The following RHOBTB1 variants were observed in gnomAD, a reference collection of about 807,000 sequenced individuals.
RHOBTB1 encodes Rho related BTB domain containing 1.
In RHOBTB1, 40 loss-of-function variants were observed where a neutral mutation model predicts 71.6. The ratio of observed to expected loss-of-function variants is 0.56; its 90% CI spans 0.43 to 0.73. RHOBTB1 has a LOEUF of 0.73. RHOBTB1 is among the 30% of genes least tolerant of loss of function. RHOBTB1 has a pLI of 0.00. For missense variants in RHOBTB1, 797 were observed against 894.0 expected, an observed-to-expected ratio of 0.89 and a Z score of 1.38; for synonymous variants, 319 against 334.9, an observed-to-expected ratio of 0.95 and a Z score of 0.52.
At position 60,888,403 on chromosome 10, in the gene RHOBTB1, T is replaced by A; in HGVS notation, c.1265A>T (p.Gln422Leu). Residue 422 changes from glutamine to leucine, a missense_variant, in exon 6 of 11, where the codon CAA becomes CTA. Around this residue, in one of 2 missense-constraint regions of RHOBTB1, gnomAD observed 658 missense variants for 681.5 expected, o/e 0.97. Transcript: ENST00000337910. The stretch of plus-strand genomic sequence containing the variant: ...CAAATCCTTTTCCTTTTCATCCAGT[T>A]GTCCCGTATAAAGAAACTGGAGCAG... ...RTLLQFLYTG[Q>L]LDEKEKDLVG... The A allele has an allele frequency of 2.5e-6, 4 of 1,614,174 alleles. No homozygotes were observed. Among genetic ancestry groups the A allele is most frequent in the Non-Finnish European group, 3.4e-6 (4 of 1,180,030 alleles).
At chr10:60,968,725 C>G (rs2086055247) in intron 2 of RHOBTB1, among the ~76,000 whole-genome samples, 1 of 152,128 alleles carries the variant, frequency 6.6e-6, no homozygotes, top group South Asian at 2.1e-4. Flanking sequence ...CACTAAGGAA[C>G]AGATCTTGTA....
chr10:60,964,106 T>C (rs985210464), intron 2 of RHOBTB1, among the ~76,000 whole-genome samples: 6 of 152,112 alleles, frequency 3.9e-5, no homozygotes, highest in Non-Finnish European at 8.8e-5. Context: ...ACATAAAATA[T>C]AATCTTAGCA....
chr10:60,992,318 G>A (rs148246796), intron 1 of RHOBTB1, among the ~76,000 whole-genome samples: 1 of 152,158 alleles, frequency 6.6e-6, no homozygotes, highest in African/African-American at 2.4e-5. Flanking sequence ...GATATAAGAT[G>A]TGTGCTAAGA....
chr10:60,872,004 A>G, intron 10 of RHOBTB1, 181 bp downstream of exon 10: 1 of 653,598 alleles, frequency 1.5e-6, no homozygotes. Context: ...AAGTTCTCCA[A>G]AGACAATTCC....
chr10:60,947,736 A>T (rs946703852), upstream of RHOBTB1, among the ~76,000 whole-genome samples: 8 of 152,166 alleles, frequency 5.3e-5, no homozygotes, highest in African/African-American at 1.7e-4. Context: ...CCACTGAAGG[A>T]TATTTGAGTA....
intron 2 of RHOBTB1, among the ~76,000 whole-genome samples, chr10:60,949,369 C>T (rs1490970295): frequency 1.3e-5 from 2 of 152,174 alleles, no homozygotes; most frequent in Non-Finnish European, 2.9e-5. Context: ...TTGAAAGAAT[C>T]TGTGTGTTCG....
chr10:60,914,960 C>T (rs962041680), intron 2 of RHOBTB1, among the ~76,000 whole-genome samples: 11 of 152,074 alleles, frequency 7.2e-5, no homozygotes, highest in African/African-American at 2.4e-4. Context: ...TATTCAGGGC[C>T]CAGATCACTT....
At chr10:60,976,486 C>T (rs1368790757) in intron 2 of RHOBTB1, among the ~76,000 whole-genome samples, 1 of 151,886 alleles carries the variant, frequency 6.6e-6, no homozygotes, top group Non-Finnish European at 1.5e-5. Context: ...TACTGAAGTA[C>T]AGCCCCGTCT....
chr10:60,947,641 T>C (rs1293562697), upstream of RHOBTB1, among the ~76,000 whole-genome samples: 1 of 152,228 alleles, frequency 6.6e-6, no homozygotes, highest in Non-Finnish European at 1.5e-5. Flanking sequence ...ATCCATGGTA[T>C]TGAATGTATC....
chr10:60,876,788 G>C (rs923213850), intron 8 of RHOBTB1, among the ~76,000 whole-genome samples: 2 of 152,204 alleles, frequency 1.3e-5, no homozygotes, highest in African/African-American at 4.8e-5. Context: ...GACAAAGAGA[G>C]GACTTTGATC....
At chr10:60,898,275 C>G (rs544350679) in intron 4 of RHOBTB1, among the ~76,000 whole-genome samples, 1 of 152,238 alleles carries the variant, frequency 6.6e-6, no homozygotes, top group African/African-American at 2.4e-5. Flanking sequence ...GGGCTTCAAG[C>G]TTCTTTTTCC....
intron 4 of RHOBTB1, among the ~76,000 whole-genome samples, chr10:60,895,208 C>A (rs1387680116): frequency 1.3e-5 from 2 of 152,236 alleles, no homozygotes; most frequent in Admixed American, 1.3e-4. Flanking sequence ...AATATTTCAC[C>A]TCAAAATAAT....
chr10:60,988,216 G>A (rs1250648915), intron 1 of RHOBTB1, among the ~76,000 whole-genome samples: 1 of 151,850 alleles, frequency 6.6e-6, no homozygotes, highest in African/African-American at 2.4e-5. Flanking sequence ...TTGCAGGCGT[G>A]AGCCATCACG....
At chr10:60,946,243 C>A (rs2085232161), upstream of RHOBTB1, among the ~76,000 whole-genome samples, 1 of 151,994 alleles carries the variant, frequency 6.6e-6, no homozygotes, top group African/African-American at 2.4e-5. Flanking sequence ...TCTTGAAAGC[C>A]TTAAACAAAA....
At chr10:61,001,668 G>T (rs2087282934), upstream of RHOBTB1, among the ~76,000 whole-genome samples, 1 of 152,058 alleles carries the variant, frequency 6.6e-6, no homozygotes, top group South Asian at 2.1e-4. Flanking sequence ...CTGCGGGCGG[G>T]GCCCCAACGC....
chr10:60,903,476 A>G (rs189832520), intron 4 of RHOBTB1, among the ~76,000 whole-genome samples: 1 of 152,306 alleles, frequency 6.6e-6, no homozygotes, highest in Non-Finnish European at 1.5e-5. Context: ...GCATGCTGCC[A>G]GAGATTACCA....
intron 2 of RHOBTB1, among the ~76,000 whole-genome samples, chr10:60,939,151 C>T (rs966234514): frequency 1.9e-4 from 29 of 152,124 alleles, no homozygotes; most frequent in African/African-American, 5.3e-4. Context: ...CTTGCTAATT[C>T]GTTCTTTAGT....
chr10:60,882,663 A>G (rs2081381035), intron 7 of RHOBTB1, among the ~76,000 whole-genome samples: 1 of 152,076 alleles, frequency 6.6e-6, no homozygotes, highest in African/African-American at 2.4e-5. Flanking sequence ...TTTTCTCAAG[A>G]TAATAGAAAG....
chr10:60,902,859 G>C (rs1279809938), intron 4 of RHOBTB1, among the ~76,000 whole-genome samples: 2 of 152,178 alleles, frequency 1.3e-5, no homozygotes, highest in Non-Finnish European at 2.9e-5. Flanking sequence ...GAACACATGA[G>C]AGATTTGTCA....
Sources: gnomAD v4.1 joint callset for allele counts (sites outside exome capture counted in the v4.1 genomes callset) on GRCh38, gnomAD v4.1.1 for gene constraint, gnomAD v4.1.1 regional missense constraint, MANE v1.5 for transcripts, NCBI Gene and HGNC (gene_info 2026-07-23, HGNC 2026-07-21) for gene names.